MTHFD2L: variants seen among roughly 807,000 people sequenced by gnomAD.
MTHFD2L encodes the protein methylenetetrahydrofolate dehydrogenase (NADP+ dependent) 2 like.
In MTHFD2L, 29 loss-of-function variants were observed where a neutral mutation model predicts 34.9. That is an observed-to-expected ratio of 0.83 (90% CI 0.62 to 1.13). The LOEUF (loss-of-function observed/expected upper bound fraction) is 1.13. MTHFD2L is among the 50% of genes most tolerant of loss of function. MTHFD2L has a pLI of 0.00. For synonymous variants in MTHFD2L, 167 were observed against 155.7 expected (o/e 1.07, Z -0.54); for missense variants, 481 against 446.5 (o/e 1.08, Z -0.70).
intron 1 of MTHFD2L, among the ~76,000 whole-genome samples, chr4:74,129,389 C>G (rs1225630359): frequency 6.6e-6 from 1 of 152,110 alleles, no homozygotes; most frequent in Middle Eastern, 3.2e-3. Flanking sequence ...TCATAATAAA[C>G]AGACTCTTGG....
chr4:74,189,528 A>C (rs887022069), intron 3 of MTHFD2L, among the ~76,000 whole-genome samples: 2 of 129,986 alleles, frequency 1.5e-5, no homozygotes, highest in Non-Finnish European at 3.1e-5. Context: ...AATGGTTTAC[A>C]CTGGAAGGTG....
At chr4:74,230,029 G>A (rs183349973) in intron 6 of MTHFD2L, among the ~76,000 whole-genome samples, 37 of 152,164 alleles carry the variant, frequency 2.4e-4, no homozygotes, top group Admixed American at 2.3e-3. Context: ...GAGCTGTGTT[G>A]ATTTTGAGAT....
intron 6 of MTHFD2L, among the ~76,000 whole-genome samples, chr4:74,240,089 T>TA (rs1162692152): frequency 6.6e-6 from 1 of 152,104 alleles, no homozygotes; most frequent in East Asian, 1.9e-4. Flanking sequence ...TTCTCTTGAA[T>TA]AAAAAAACAT....
chr4:74,264,872 A>G (rs2110231559), intron 6 of MTHFD2L, among the ~76,000 whole-genome samples: 1 of 152,112 alleles, frequency 6.6e-6, no homozygotes, highest in African/African-American at 2.4e-5. Flanking sequence ...TTTATTTGGG[A>G]TTATGAATGA....
chr4:74,162,091 A>G (rs1167660247), intron 1 of MTHFD2L: 1 of 152,224 alleles, frequency 6.6e-6, no homozygotes, highest in Non-Finnish European at 1.5e-5. Context: ...CTGAACCTAA[A>G]TTAACAGTAG....
intron 6 of MTHFD2L, among the ~76,000 whole-genome samples, chr4:74,227,590 G>C (rs1054926352): frequency 4.6e-5 from 7 of 152,110 alleles, no homozygotes; most frequent in Non-Finnish European, 8.8e-5. Context: ...GTCTTTGACG[G>C]CTTATTATAT....
chr4:74,165,519 A>G (rs1445309049), intron 1 of MTHFD2L, among the ~76,000 whole-genome samples: 1 of 152,018 alleles, frequency 6.6e-6, no homozygotes, highest in Non-Finnish European at 1.5e-5. Flanking sequence ...CACCACGCCC[A>G]GCTAATTTTT....
intron 1 of MTHFD2L, among the ~76,000 whole-genome samples, chr4:74,168,212 T>C (rs1727170368): frequency 6.6e-6 from 1 of 152,248 alleles, no homozygotes; most frequent in African/African-American, 2.4e-5. Flanking sequence ...CAGGGCCTTA[T>C]ATAATCTGAT....
intron 5 of MTHFD2L, among the ~76,000 whole-genome samples, chr4:74,221,101 G>A (rs1040919381): frequency 1.3e-5 from 2 of 150,770 alleles, no homozygotes; most frequent in African/African-American, 4.8e-5. Flanking sequence ...TCCAATAGAA[G>A]GGTCTCCTTA....
At chr4:74,292,255 C>T (rs966112378) in intron 7 of MTHFD2L, among the ~76,000 whole-genome samples, 1 of 152,196 alleles carries the variant, frequency 6.6e-6, no homozygotes, top group Non-Finnish European at 1.5e-5. Context: ...TAGTAGATGT[C>T]TTTGACATTG....
intron 7 of MTHFD2L, among the ~76,000 whole-genome samples, chr4:74,297,327 C>G (rs1251862249): frequency 6.6e-6 from 1 of 152,020 alleles, no homozygotes; most frequent in African/African-American, 2.4e-5. Context: ...TTCAGTAGGT[C>G]TAAAATCATG....
At chr4:74,290,015 C>A (rs1748676539) in intron 7 of MTHFD2L, among the ~76,000 whole-genome samples, 1 of 152,180 alleles carries the variant, frequency 6.6e-6, no homozygotes, top group Non-Finnish European at 1.5e-5. Context: ...CACTCAATAG[C>A]AGACCCAACA....
intron 3 of MTHFD2L, among the ~76,000 whole-genome samples, chr4:74,177,892 A>AT (rs1318710698): frequency 6.6e-6 from 1 of 152,006 alleles, no homozygotes; most frequent in African/African-American, 2.4e-5. Context: ...ATGTTGTTGT[A>AT]TATATACACT....
In MTHFD2L at chr4:74,173,179, A is replaced by G. The variant is rs1728355020; in HGVS notation, c.144-1327A>G. ...ACAGGGGCAGAAGGAAGAAGGGACC[A>G]CCTTCTACTTTATCAGATACCTTTA... is the stretch of plus-strand genomic sequence containing the variant. On this transcript the variant is annotated intron_variant, in intron 1 of 7. Coordinates refer to ENST00000325278, the MANE Select transcript of MTHFD2L (RefSeq NM_001144978.3). Among the ~76,000 whole-genome samples, 3 of 152,152 alleles carry G rather than the reference A, an allele frequency of 2.0e-5. No homozygotes were observed. The South Asian group carries it at 6.2e-4, about 32-fold the overall frequency.
chr4:74,199,975 G>T, intron 4 of MTHFD2L, 29 bp downstream of exon 4: 1 of 1,612,228 alleles, frequency 6.2e-7, no homozygotes. Context: ...GCAGGACATG[G>T]ATGCTAGGTG....
intron 5 of MTHFD2L, among the ~76,000 whole-genome samples, chr4:74,205,404 GTATT>G (rs1735118191): frequency 1.3e-5 from 2 of 152,156 alleles, no homozygotes; most frequent in Admixed American, 6.5e-5. Flanking sequence ...CTCATGCCGT[GTATT>G]TATTTCTTTT....
intron 1 of MTHFD2L, among the ~76,000 whole-genome samples, chr4:74,142,890 C>T (rs979621311): frequency 6.6e-6 from 1 of 152,158 alleles, no homozygotes; most frequent in Non-Finnish European, 1.5e-5. Context: ...GTACACTCTG[C>T]CACTCGAGTA....
chr4:74,220,109 G>T (rs1737908262), intron 5 of MTHFD2L, among the ~76,000 whole-genome samples: 1 of 151,146 alleles, frequency 6.6e-6, no homozygotes, highest in Non-Finnish European at 1.5e-5. Flanking sequence ...TTTTTGGTAG[G>T]GATTTGGGAG....
At position 74,187,800 on chromosome 4, in the gene MTHFD2L, T is replaced by TACACACACACACACACAC. The variant is rs61173269; in HGVS notation, c.452-11976_452-11959dup. On this transcript the variant is annotated intron_variant, in intron 3 of 7. Coordinates refer to ENST00000325278, the MANE Select transcript of MTHFD2L (RefSeq NM_001144978.3). Reference sequence around the variant, plus strand: ...TCCAGCCATTCTGTGCCTGTGTATTTACACACACACACACACACACACACA... The same window carrying TACACACACACACACACAC: ...TCCAGCCATTCTGTGCCTGTGTATTTACACACACACACACACACACACACACACACACACACACACACA... Among the ~76,000 whole-genome samples, 467 of 144,348 alleles carry TACACACACACACACACAC rather than the reference T, an allele frequency of 3.2e-3. 7 individuals are homozygous for TACACACACACACACACAC. Among genetic ancestry groups the TACACACACACACACACAC allele is most frequent in the East Asian group, 0.017 (85 of 4,916 alleles). 94.7% of individuals were successfully genotyped at this position (144,348 alleles called of 152,430 possible).
Sources: allele counts gnomAD v4.1 joint callset (sites outside exome capture counted in the v4.1 genomes callset), GRCh38; gene constraint gnomAD v4.1.1; transcripts MANE v1.5; gene names NCBI Gene and HGNC (gene_info 2026-07-23, HGNC 2026-07-21).